The following UGT2B7 variants were observed in gnomAD, a reference collection of about 807,000 sequenced individuals.
The protein encoded by UGT2B7 is UDP-glucuronosyltransferase 2B7.
A neutral mutation model predicts 51.9 loss-of-function variants in UGT2B7; 51 were observed. The observed-to-expected ratio is 0.98, with a 90% CI of 0.78 to 1.24. UGT2B7 has a LOEUF of 1.24. Among genes scored for constraint, UGT2B7 ranks in the 50% most tolerant of loss-of-function variants. The pLI, the probability that UGT2B7 is intolerant of heterozygous loss-of-function variation, is 0.00. For missense variants in UGT2B7, 727 were observed against 628.4 expected, an observed-to-expected ratio of 1.16 and a Z score of -1.68; for synonymous variants, 225 against 211.6, an observed-to-expected ratio of 1.06 and a Z score of -0.55.
intron 1 of UGT2B7, among the ~76,000 whole-genome samples, chr4:69,072,936 G>T (rs1718630874): frequency 6.6e-6 from 1 of 152,154 alleles, no homozygotes; most frequent in Non-Finnish European, 1.5e-5. Context: ...TGGATGAGTA[G>T]GAGACATGGC....
chr4:69,066,902 C>T (rs752851348), intron 1 of UGT2B7, among the ~76,000 whole-genome samples: 3 of 152,044 alleles, frequency 2.0e-5, no homozygotes, highest in Non-Finnish European at 2.9e-5. Context: ...AGTAAATCCT[C>T]GGTCTTTATC....
chr4:69,074,533 T>C (rs1160445129), intron 1 of UGT2B7, among the ~76,000 whole-genome samples: 1 of 151,620 alleles, frequency 6.6e-6, no homozygotes, highest in East Asian at 1.9e-4. Flanking sequence ...ACTGGTTATT[T>C]CCTCATATGG....
chr4:69,106,731 C>A (rs1405273316), intron 3 of UGT2B7, among the ~76,000 whole-genome samples: 1 of 152,030 alleles, frequency 6.6e-6, no homozygotes, highest in East Asian at 1.9e-4. Flanking sequence ...ATAAGCAAGC[C>A]TTTTCTATAC....
intron 1 of UGT2B7, among the ~76,000 whole-genome samples, chr4:69,075,354 C>T (rs1718680352): frequency 1.3e-5 from 2 of 152,074 alleles, no homozygotes; most frequent in African/African-American, 4.8e-5. Context: ...CTCTGTTCGT[C>T]TGTCTGTCTG....
chr4:69,052,132 C>T (rs1718035529), intron 1 of UGT2B7, among the ~76,000 whole-genome samples: 1 of 151,990 alleles, frequency 6.6e-6, no homozygotes, highest in African/African-American at 2.4e-5. Context: ...GACTGGCCAG[C>T]ATTAGAGGTA....
chr4:69,080,002 T>C (rs920027961), intron 1 of UGT2B7, among the ~76,000 whole-genome samples: 13 of 151,970 alleles, frequency 8.6e-5, no homozygotes, highest in African/African-American at 2.4e-4. Flanking sequence ...TTAGCATCTT[T>C]TTTTGCATTT....
intron 1 of UGT2B7, among the ~76,000 whole-genome samples, chr4:69,063,126 C>T (rs990191046): frequency 1.3e-5 from 2 of 151,102 alleles, no homozygotes; most frequent in Non-Finnish European, 2.9e-5. Flanking sequence ...GAGACCATCC[C>T]GGCTAAAACG....
chr4:69,075,809 T>C (rs1053610407), intron 1 of UGT2B7, among the ~76,000 whole-genome samples: 24 of 152,308 alleles, frequency 1.6e-4, no homozygotes, highest in Non-Finnish European at 1.8e-4. Context: ...CTTTAAGTTC[T>C]GGGCTACATG....
At chr4:69,079,056 G>T (rs983700746) in intron 1 of UGT2B7, among the ~76,000 whole-genome samples, 1 of 152,298 alleles carries the variant, frequency 6.6e-6, no homozygotes, top group Admixed American at 6.5e-5. Flanking sequence ...CTGTTCAGGT[G>T]TTTCCTGGGA....
chr4:69,051,931 C>T (rs571400341), intron 1 of UGT2B7, among the ~76,000 whole-genome samples: 7 of 152,206 alleles, frequency 4.6e-5, no homozygotes, highest in South Asian at 2.1e-4. Context: ...TGTGTGTGTG[C>T]CCTTTTACCT....
At chr4:69,064,073 AAAGAAAG>A (rs1718424338) in intron 1 of UGT2B7, among the ~76,000 whole-genome samples, 1 of 108,646 alleles carries the variant, frequency 9.2e-6, no homozygotes, top group African/African-American at 5.2e-5. Flanking sequence ...AGAAAGAAAG[AAAGAAAG>A]AAAGAAAGAA....
chr4:69,052,478 A>G (rs1342798418), intron 1 of UGT2B7, among the ~76,000 whole-genome samples: 1 of 150,790 alleles, frequency 6.6e-6, no homozygotes, highest in Non-Finnish European at 1.5e-5. Flanking sequence ...AGTGTAACAC[A>G]TATTATGGTA....
intron 5 of UGT2B7, among the ~76,000 whole-genome samples, chr4:69,111,228 G>C (rs546782927): frequency 6.6e-6 from 1 of 152,132 alleles, no homozygotes; most frequent in South Asian, 2.1e-4. Flanking sequence ...GAGTTTGCCC[G>C]TGTCTAAAAA....
At chr4:69,070,497 T>C (rs1454159492) in intron 1 of UGT2B7, among the ~76,000 whole-genome samples, 3 of 150,514 alleles carry the variant, frequency 2.0e-5, no homozygotes, top group African/African-American at 7.3e-5. Flanking sequence ...CAAATTTTAT[T>C]TTGACTACTG....
intron 1 of UGT2B7, among the ~76,000 whole-genome samples, chr4:69,060,627 G>A (rs771920186): frequency 2.0e-5 from 3 of 152,210 alleles, no homozygotes; most frequent in Non-Finnish European, 2.9e-5. Flanking sequence ...ATCACCCGGT[G>A]GCATACCTAT....
chr4:69,064,086 A>AGAG (rs1560499727), intron 1 of UGT2B7, among the ~76,000 whole-genome samples: 6 of 102,538 alleles, frequency 5.9e-5, no homozygotes, highest in East Asian at 6.5e-4. Flanking sequence ...GAAAGAAAGA[A>AGAG]AGAAAGAAAG....
chr4:69,109,055 T>G (rs1250609216), intron 5 of UGT2B7, among the ~76,000 whole-genome samples: 1 of 151,908 alleles, frequency 6.6e-6, no homozygotes, highest in African/African-American at 2.4e-5. Flanking sequence ...TTTTTTCTGG[T>G]TTTAGTTTCA....
intron 1 of UGT2B7, among the ~76,000 whole-genome samples, chr4:69,051,872 G>C (rs1433402934): frequency 6.6e-6 from 1 of 152,188 alleles, no homozygotes; most frequent in East Asian, 1.9e-4. Flanking sequence ...TTGAATTTCT[G>C]GGTATGCTGA....
At chr4:69,106,622 T>C (rs2109892371) in intron 3 of UGT2B7, among the ~76,000 whole-genome samples, 1 of 152,228 alleles carries the variant, frequency 6.6e-6, no homozygotes, top group South Asian at 2.1e-4. Context: ...TACCCAGTAA[T>C]GGGATTGCTG....
Sources: gnomAD v4.1 joint callset for allele counts (sites outside exome capture counted in the v4.1 genomes callset) on GRCh38, gnomAD v4.1.1 for gene constraint, MANE v1.5 for transcripts, NCBI Gene and HGNC (gene_info 2026-07-23, HGNC 2026-07-21) for gene names.